Variants in CCL28 observed in about 807,000 individuals in gnomAD.
The protein encoded by CCL28 is C-C motif chemokine ligand 28.
A neutral mutation model predicts 7.1 loss-of-function variants in CCL28; 4 were observed. That is an observed-to-expected ratio of 0.56 (90% confidence interval 0.28 to 1.29). The LOEUF (loss-of-function observed/expected upper bound fraction) is 1.29. Among genes scored for constraint, CCL28 ranks in the 50% most tolerant of loss-of-function variants. The probability of loss-of-function intolerance (pLI) is 0.11; values close to 1 mark genes in which losing one functional copy is unlikely to be tolerated. For synonymous variants in CCL28, 55 were observed against 57.8 expected, an observed-to-expected ratio of 0.95 and a Z score of 0.22; for missense variants, 151 against 163.4, an observed-to-expected ratio of 0.92 and a Z score of 0.41.
intron 1 of CCL28, among the ~76,000 whole-genome samples, chr5:43,409,348 C>T (rs1008570180): frequency 6.6e-6 from 1 of 152,108 alleles, no homozygotes; most frequent in African/African-American, 2.4e-5. Context: ...ATTGCTTGAA[C>T]CCAGGAGGCG....
chr5:43,365,177 G>T, the CCL28 span, among the ~76,000 whole-genome samples: 5 of 151,816 alleles, frequency 3.3e-5, no homozygotes, highest in Admixed American at 1.3e-4. Flanking sequence ...GCTAATTTTT[G>T]TATTTTTAGT....
At chr5:43,396,720 C>T (rs1740820064) in intron 1 of CCL28, among the ~76,000 whole-genome samples, 1 of 150,974 alleles carries the variant, frequency 6.6e-6, no homozygotes, top group Admixed American at 6.6e-5. Context: ...ACTAAAAACC[C>T]GGAAAAGGAA....
chr5:43,389,051 A>G (rs1251223348), intron 1 of CCL28, among the ~76,000 whole-genome samples: 1 of 152,198 alleles, frequency 6.6e-6, no homozygotes, highest in Non-Finnish European at 1.5e-5. Flanking sequence ...CTTTATATGA[A>G]AGATCCAGAA....
the CCL28 span, among the ~76,000 whole-genome samples, chr5:43,370,739 TCTC>T: frequency 5.9e-4 from 85 of 144,154 alleles, 5 homozygotes; most frequent in South Asian, 6.4e-4. Flanking sequence ...TCTCTCTTTC[TCTC>T]TCTTTTTTTT....
At position 43,380,841 on chromosome 5, in the gene CCL28, C is replaced by G. The variant is rs746530424; in HGVS notation, c.*1019G>C. 3 of 150,868 alleles carry G rather than the reference C, an allele frequency of 2.0e-5. No homozygotes were observed. The highest frequency in any genetic ancestry group is 4.4e-5 in the Non-Finnish European group (3 of 67,768). 9.3% of individuals were successfully genotyped at this position (150,868 alleles called of 1,614,324 possible). Reference sequence around the variant, plus strand: ...AATTTTAAAAATTAAAAAAAAAAGACAGAGGAACTTTCTTAGATTGAAAGA... The same window carrying G: ...AATTTTAAAAATTAAAAAAAAAAGAGAGAGGAACTTTCTTAGATTGAAAGA... On this transcript the variant is annotated 3_prime_UTR_variant, in exon 3 of 3. Coordinates refer to ENST00000361115, the MANE Select transcript of CCL28 (RefSeq NM_148672.3).
At chr5:43,384,874 C>A (rs560080080) in intron 2 of CCL28, among the ~76,000 whole-genome samples, 3 of 152,040 alleles carry the variant, frequency 2.0e-5, no homozygotes, top group Non-Finnish European at 4.4e-5. Context: ...CTGTTTGATT[C>A]AAGAATCCTC....
At chr5:43,378,064 T>C (rs1320201946), downstream of CCL28, among the ~76,000 whole-genome samples, 3 of 152,074 alleles carry the variant, frequency 2.0e-5, no homozygotes, top group Non-Finnish European at 2.9e-5. Flanking sequence ...TTAAGAAAGC[T>C]AGGTGCAGTG....
intron 1 of CCL28, chr5:43,397,368 G>A (rs1020073484): frequency 7.3e-5 from 11 of 151,724 alleles, no homozygotes; most frequent in African/African-American, 2.7e-4. Context: ...TTTGATGCGG[G>A]TATGTTAAAA....
intron 1 of CCL28, among the ~76,000 whole-genome samples, chr5:43,388,702 AAG>A (rs1268586271): frequency 2.6e-5 from 4 of 152,216 alleles, no homozygotes; most frequent in African/African-American, 4.8e-5. Context: ...AAACAAGTGA[AAG>A]AGATGAAAAG....
At chr5:43,410,544 C>T (rs1373135462) in intron 1 of CCL28, among the ~76,000 whole-genome samples, 6 of 152,106 alleles carry the variant, frequency 3.9e-5, no homozygotes, top group Non-Finnish European at 7.3e-5. Flanking sequence ...TGCATTTTGC[C>T]GTTCCACCCC....
downstream of CCL28, among the ~76,000 whole-genome samples, chr5:43,372,508 A>G (rs1186244098): frequency 6.6e-6 from 1 of 152,054 alleles, no homozygotes; most frequent in African/African-American, 2.4e-5. Flanking sequence ...AGTTGGGATT[A>G]CAGGTGTGTG....
Position 43,412,321 on chromosome 5 carries a change from G to C in CCL28, c.-5C>G, listed in dbSNP as rs753785085. 1 of 1,611,654 alleles carries C rather than the reference G, an allele frequency of 6.2e-7. No homozygotes were observed. Among genetic ancestry groups the C allele is most frequent in the Non-Finnish European group, 8.5e-7 (1 of 1,178,890 alleles). ...GGCGAGTCCTCTCTGCTGCATTCCT[G>C]CCTGCCCTACTGGCACTGACAGCAA... On this transcript the variant is annotated 5_prime_UTR_variant, in exon 1 of 3. Coordinates refer to ENST00000361115, the MANE Select transcript of CCL28 (RefSeq NM_148672.3).
chr5:43,406,890 A>G (rs1489729529), intron 1 of CCL28, among the ~76,000 whole-genome samples: 2 of 152,256 alleles, frequency 1.3e-5, no homozygotes, highest in African/African-American at 4.8e-5. Context: ...TCCCATTCAC[A>G]ATTGCCTCAA....
chr5:43,396,800 G>C (rs947307569), intron 1 of CCL28, among the ~76,000 whole-genome samples: 10 of 152,190 alleles, frequency 6.6e-5, no homozygotes, highest in African/African-American at 2.4e-4. Flanking sequence ...AAAGCACGAC[G>C]TTATGGCGCT....
chr5:43,387,677 T>G (rs1282836398), intron 2 of CCL28, among the ~76,000 whole-genome samples: 1 of 152,198 alleles, frequency 6.6e-6, no homozygotes, highest in East Asian at 1.9e-4. Context: ...TCACCCAGGT[T>G]GGAGTGCACT....
rs894393201 is a variant in CCL28, at chr5:43,404,341, A to G, written c.64+7912T>C. 4.6e-5 allele frequency among the ~76,000 whole-genome samples: 7 copies of G among 152,322 alleles called. 1 individual carries two copies. Among genetic ancestry groups the G allele is most frequent in the African/African-American group, 1.7e-4 (7 of 41,570 alleles). Reference sequence around the variant, plus strand: ...GAAACTCTACAAGCCAGAAGAGAGTAGGGGCCAATATTCAACATTCTTAAA... The same window carrying G: ...GAAACTCTACAAGCCAGAAGAGAGTGGGGGCCAATATTCAACATTCTTAAA... On this transcript the variant is annotated intron_variant, in intron 1 of 2. Transcript: ENST00000361115.
At chr5:43,392,881 T>C (rs1740634001) in intron 1 of CCL28, among the ~76,000 whole-genome samples, 1 of 152,226 alleles carries the variant, frequency 6.6e-6, no homozygotes, top group South Asian at 2.1e-4. Context: ...TTAGAAAATA[T>C]TTTCTCCCCC....
At chr5:43,368,170 G>C in the CCL28 span, among the ~76,000 whole-genome samples, 2 of 152,230 alleles carry the variant, frequency 1.3e-5, no homozygotes, top group Admixed American at 6.5e-5. Flanking sequence ...TGACTCTCAG[G>C]GTTATTGTGA....
downstream of CCL28, among the ~76,000 whole-genome samples, chr5:43,375,339 G>C (rs546180991): frequency 5.2e-4 from 67 of 128,798 alleles, no homozygotes; most frequent in African/African-American, 2.0e-3. Flanking sequence ...TCCAGCCTGG[G>C]GGACAGAGCG....
Sources: allele counts gnomAD v4.1 joint callset (sites outside exome capture counted in the v4.1 genomes callset), GRCh38; gene constraint gnomAD v4.1.1; transcripts MANE v1.5; gene names NCBI Gene and HGNC (gene_info 2026-07-23, HGNC 2026-07-21).